UNKL: variants seen among roughly 807,000 people sequenced by gnomAD.
UNKL encodes the protein putative E3 ubiquitin-protein ligase UNKL.
UNKL carries 60 observed loss-of-function variants against 78.0 expected under a neutral mutation model. That is an observed-to-expected ratio of 0.77 (90% confidence interval 0.63 to 0.95). UNKL has a LOEUF of 0.95. Ranked by LOEUF, UNKL falls within the 40% of genes least tolerant of loss-of-function variation. The pLI is 0.00. For synonymous variants in UNKL, 608 were observed against 474.8 expected (o/e 1.28, Z -3.65); for missense variants, 1,159 against 1,045.7 (o/e 1.11, Z -1.49).
intron 10 of UNKL, among the ~76,000 whole-genome samples, chr16:1,380,673 A>ATTTTTT (rs57595079): frequency 0.11 from 11,369 of 99,112 alleles, 1,457 homozygotes; most frequent in African/African-American, 0.23. Context: ...CTGGTTCAGG[A>ATTTTTT]TTTTTTTTTT....
At chr16:1,398,839 G>T in intron 5 of UNKL, 2 of 1,564,194 alleles carry the variant, frequency 1.3e-6, no homozygotes. Flanking sequence ...GGACAGCTGG[G>T]GCTCAGGCGG....
intron 9 of UNKL, among the ~76,000 whole-genome samples, chr16:1,389,667 C>A (rs575521583): frequency 2.6e-4 from 39 of 152,326 alleles, no homozygotes; most frequent in African/African-American, 9.1e-4. Context: ...AGGAAGAGAC[C>A]CCAGGGATGC....
intron 10 of UNKL, among the ~76,000 whole-genome samples, chr16:1,378,629 C>T (rs1380161057): frequency 6.6e-6 from 1 of 152,220 alleles, no homozygotes; most frequent in Non-Finnish European, 1.5e-5. Context: ...TCGCACTCAA[C>T]TCAGAGGGCG....
At chr16:1,368,467 T>C (rs999796143) in intron 12 of UNKL, among the ~76,000 whole-genome samples, 12 of 151,712 alleles carry the variant, frequency 7.9e-5, no homozygotes, top group African/African-American at 4.8e-5. Flanking sequence ...CCAGGCGTGG[T>C]GGCGGGCGCC....
At position 1,367,823 on chromosome 16, in the gene UNKL, C is replaced by T. The variant is rs767195746; in HGVS notation, c.1621G>A (p.Val541Ile). The T allele has an allele frequency of 1.1e-5, 18 of 1,575,206 alleles. No homozygotes were observed. In the South Asian group the frequency reaches 1.9e-4, roughly 16 times the overall value. The part of the protein sequence containing the change: ...NGVPGSIWDF[V>I]SGSFSPSPSP... ...GGGCTGGGGGAGAAGCTGCCGGAAA[C>T]AAAGTCCCAGATGCTCCCGGGGACA... The change falls in exon 13 of 15, where the codon GTT (valine) becomes ATT (isoleucine). Residue 541 changes from valine to isoleucine, a missense_variant. Val to Ile is a conservative substitution (Grantham distance 29). Coordinates refer to ENST00000389221, the MANE Select transcript of UNKL (RefSeq NM_001372107.1).
chr16:1,391,239 TAC>T (rs142620901), intron 8 of UNKL, among the ~76,000 whole-genome samples: 1,186 of 10,286 alleles, frequency 0.12, 5 homozygotes, highest in Admixed American at 0.21. Context: ...CCCTTAAAGA[TAC>T]ACACACACAC....
intron 10 of UNKL, among the ~76,000 whole-genome samples, chr16:1,374,936 T>C (rs767196925): frequency 2.0e-5 from 3 of 152,232 alleles, no homozygotes; most frequent in Non-Finnish European, 2.9e-5. Flanking sequence ...AACGCTGCCC[T>C]AGCCGCACAT....
chr16:1,363,256 A>T lies in UNKL; in HGVS notation c.*2984T>A, dbSNP rs2034976804. 1.5e-6 allele frequency: 1 copy of T among 687,066 alleles called. No homozygotes were observed. Among genetic ancestry groups the T allele is most frequent in the Non-Finnish European group, 2.6e-6 (1 of 386,724 alleles). 42.6% of individuals were successfully genotyped at this position (687,066 alleles called of 1,614,324 possible). On this transcript the variant is annotated 3_prime_UTR_variant, in exon 15 of 15. Transcript: ENST00000389221. The stretch of plus-strand genomic sequence containing the variant: ...CATACTGATAAAAATAACTCCATGA[A>T]TTCTGTAAACCATTGCATAAATGCT...
chr16:1,412,569 C>G (rs28716416), intron 2 of UNKL, among the ~76,000 whole-genome samples: 1,931 of 152,370 alleles, frequency 0.013, 45 homozygotes, highest in African/African-American at 0.043. Flanking sequence ...AAGATCAAGT[C>G]ACTGCACTCC....
chr16:1,366,003 T>G lies in UNKL; in HGVS notation c.*237A>C. ...GGTTCTGTGGGTTTGCATTTAAGGT[T>G]TTTGAGGAAAATACCTTGAAACCGT... is the stretch of plus-strand genomic sequence containing the variant. On this transcript the variant is annotated 3_prime_UTR_variant, in exon 15 of 15. Coordinates refer to ENST00000389221, the MANE Select transcript of UNKL (RefSeq NM_001372107.1). 1 of 435,176 alleles carries G rather than the reference T, an allele frequency of 2.3e-6. No homozygotes were observed. Among genetic ancestry groups the G allele is most frequent in the Non-Finnish European group, 3.9e-6 (1 of 253,168 alleles). The allele number at this position is 435,176 out of a possible 1,614,324, so 27.0% of individuals were successfully genotyped here. A position where few individuals can be genotyped will look rare whatever the true frequency, so the allele number is the denominator to read the frequency against.
At chr16:1,367,596 C>G in intron 13 of UNKL, 60 bp downstream of exon 13, 1 of 1,272,184 alleles carries the variant, frequency 7.9e-7, no homozygotes, top group South Asian at 1.5e-5. Context: ...CCCACACGCT[C>G]ACCTGAGTCC....
chr16:1,386,097 G>A (rs2036801639), intron 9 of UNKL, among the ~76,000 whole-genome samples: 1 of 152,350 alleles, frequency 6.6e-6, no homozygotes, highest in East Asian at 1.9e-4. Context: ...GCAAAACCAA[G>A]CATCAAAAGC....
chr16:1,412,965 C>T (rs1567244627), intron 2 of UNKL, among the ~76,000 whole-genome samples: 1 of 152,008 alleles, frequency 6.6e-6, no homozygotes, highest in Non-Finnish European at 1.5e-5. Context: ...GAGTGGGAAA[C>T]AGCTAGGCAC....
At chr16:1,406,045 C>T (rs118172742) in intron 2 of UNKL, 10 of 456,570 alleles carry the variant, frequency 2.2e-5, no homozygotes, top group Admixed American at 1.4e-4. Context: ...TCTGCACTGC[C>T]GGCTGGTTCC....
At chr16:1,376,133 C>T (rs1270364789) in intron 10 of UNKL, among the ~76,000 whole-genome samples, 1 of 148,936 alleles carries the variant, frequency 6.7e-6, no homozygotes, top group African/African-American at 2.5e-5. Flanking sequence ...GCTCCTCCCT[C>T]CTCCCTCCAG....
chr16:1,368,998 G>A (rs1160030905), intron 12 of UNKL, among the ~76,000 whole-genome samples: 3 of 149,480 alleles, frequency 2.0e-5, no homozygotes, highest in South Asian at 2.1e-4. Flanking sequence ...CACCCACCTC[G>A]ACCTCCCAAA....
At position 1,399,593 on chromosome 16, in the gene UNKL, TGTCCCCCAAATGGAAG is replaced by T; in HGVS notation, c.599-100_599-85del. 1 of 1,531,044 alleles carries T rather than the reference TGTCCCCCAAATGGAAG, an allele frequency of 6.5e-7. No homozygotes were observed. Among genetic ancestry groups the T allele is most frequent in the South Asian group, 1.2e-5 (1 of 83,844 alleles). The allele number at this position is 1,531,044 out of a possible 1,614,324, so 94.8% of individuals were successfully genotyped here. On this transcript the variant is annotated intron_variant, in intron 4 of 14. Transcript: ENST00000389221. The surrounding 1 kb of genome is among the most constrained non-coding windows in gnomAD (Gnocchi z 5.8). ...GAGACCAAAGGTGGAAGGACCTGGC[TGTCCCCCAAATGGAAG>T]GGGCTGCAGGAGGACTTGGGGAGCG...
intron 2 of UNKL, among the ~76,000 whole-genome samples, chr16:1,407,497 C>T (rs969360911): frequency 6.6e-6 from 1 of 151,940 alleles, no homozygotes; most frequent in African/African-American, 2.4e-5. Flanking sequence ...TTACTTGAGC[C>T]CAGGAGTTCG....
At chr16:1,367,611 C>T (rs780738090) in intron 13 of UNKL, 45 bp downstream of exon 13, 44 of 1,439,210 alleles carry the variant, frequency 3.1e-5, no homozygotes, top group South Asian at 2.0e-4. Context: ...GAGTCCCCTG[C>T]GGCCCTCCCT....
Sources: gnomAD v4.1 joint callset for allele counts (sites outside exome capture counted in the v4.1 genomes callset) on GRCh38, gnomAD v4.1.1 for gene constraint, Gnocchi (gnomAD v3.1) non-coding constraint, MANE v1.5 for transcripts, NCBI Gene and HGNC (gene_info 2026-07-23, HGNC 2026-07-21) for gene names.